The following ERC1 variants were observed in gnomAD, a reference collection of about 807,000 sequenced individuals.
ERC1 encodes RAB6 interacting protein 2.
In ERC1, 56 loss-of-function variants were observed where a neutral mutation model predicts 132.0. The ratio of observed to expected loss-of-function variants is 0.42; its 90% CI spans 0.34 to 0.53. ERC1 has a LOEUF of 0.53. Ranked by LOEUF, ERC1 falls within the 20% of genes least tolerant of loss-of-function variation. The pLI is 0.03. For missense variants in ERC1, 1,202 were observed against 1,349.9 expected (o/e 0.89, Z 1.72); for synonymous variants, 478 against 476.1 (o/e 1.00, Z -0.05).
chr12:1,198,317 CTAA>C (rs1956534700), intron 12 of ERC1, among the ~76,000 whole-genome samples: 1 of 152,128 alleles, frequency 6.6e-6, no homozygotes, highest in Non-Finnish European at 1.5e-5. Context: ...GGTTGGAAGG[CTAA>C]TAAGTAATTT....
intron 15 of ERC1, among the ~76,000 whole-genome samples, chr12:1,294,361 C>T (rs1309395261): frequency 6.6e-6 from 1 of 152,088 alleles, no homozygotes; most frequent in African/African-American, 2.4e-5. Flanking sequence ...GCTTTTTAAT[C>T]ATTTTCTTAT....
intron 2 of ERC1, among the ~76,000 whole-genome samples, chr12:1,047,471 A>G (rs1971263512): frequency 6.6e-6 from 1 of 152,118 alleles, no homozygotes. Flanking sequence ...GGCTGAATCT[A>G]TTCAAGGGGA....
intron 8 of ERC1, among the ~76,000 whole-genome samples, chr12:1,161,616 CCT>C (rs1330799902): frequency 2.0e-5 from 3 of 152,112 alleles, no homozygotes; most frequent in Admixed American, 6.5e-5. Flanking sequence ...GTTTTTTTCT[CCT>C]CTGTCCCAGA....
intron 18 of ERC1, among the ~76,000 whole-genome samples, chr12:1,484,280 G>A (rs1477718646): frequency 7.0e-6 from 1 of 142,496 alleles, no homozygotes; most frequent in Non-Finnish European, 1.6e-5. Flanking sequence ...ACTCCAGCCT[G>A]GTGACAGAGC....
At chr12:1,462,721 C>T (rs138269382) in intron 18 of ERC1, among the ~76,000 whole-genome samples, 70 of 152,088 alleles carry the variant, frequency 4.6e-4, no homozygotes, top group Admixed American at 1.1e-3. Context: ...TGAAAATGTC[C>T]TATATTTTGA....
intron 14 of ERC1, among the ~76,000 whole-genome samples, chr12:1,284,265 CGTGTGTGTGTGTGTGTGTGTGTGT>C (rs71055142): frequency 1.4e-5 from 2 of 140,192 alleles, no homozygotes; most frequent in African/African-American, 2.6e-5. Context: ...GAATAGTATT[CGTGTGTGTGTGTGTGTGTGTGTGT>C]GTGTGTGTGT....
intron 13 of ERC1, among the ~76,000 whole-genome samples, chr12:1,261,737 G>A (rs953982125): frequency 6.6e-6 from 1 of 152,070 alleles, no homozygotes; most frequent in African/African-American, 2.4e-5. Context: ...CCTCACTTAT[G>A]GGAATAGATC....
At chr12:1,124,784 G>A (rs1566027127) in intron 7 of ERC1, among the ~76,000 whole-genome samples, 1 of 151,908 alleles carries the variant, frequency 6.6e-6, no homozygotes, top group Non-Finnish European at 1.5e-5. Flanking sequence ...AATAATATAA[G>A]ACAACTCTAA....
At chr12:1,211,206 T>C (rs943444827) in intron 12 of ERC1, among the ~76,000 whole-genome samples, 26 of 152,298 alleles carry the variant, frequency 1.7e-4, no homozygotes, top group African/African-American at 5.8e-4. Flanking sequence ...TGGAGTGCAA[T>C]GGCACAATCT....
At chr12:1,107,925 A>G (rs1488580847) in intron 4 of ERC1, among the ~76,000 whole-genome samples, 1 of 152,202 alleles carries the variant, frequency 6.6e-6, no homozygotes, top group East Asian at 1.9e-4. Flanking sequence ...CAGTAAGTCC[A>G]GTGGGATTGG....
intron 1 of ERC1, among the ~76,000 whole-genome samples, chr12:1,015,200 C>T (rs536874897): frequency 5.3e-5 from 8 of 151,980 alleles, no homozygotes; most frequent in African/African-American, 1.9e-4. Context: ...ACTGGTACTA[C>T]AGGCACACAC....
At chr12:1,481,605 C>G (rs1861845993) in intron 18 of ERC1, among the ~76,000 whole-genome samples, 1 of 152,214 alleles carries the variant, frequency 6.6e-6, no homozygotes, top group Non-Finnish European at 1.5e-5. Flanking sequence ...TGCCTAATCC[C>G]TGGAGAACAG....
At chr12:1,110,373 C>G (rs1384646498) in intron 5 of ERC1, 26 bp downstream of exon 5, 1 of 1,554,728 alleles carries the variant, frequency 6.4e-7, no homozygotes, top group Non-Finnish European at 8.7e-7. Context: ...ACTTTTGATT[C>G]TTAAAAGGAG....
intron 1 of ERC1, among the ~76,000 whole-genome samples, chr12:1,019,954 C>T (rs1008866822): frequency 1.3e-5 from 2 of 151,514 alleles, no homozygotes; most frequent in Admixed American, 6.6e-5. Context: ...AGGATCTTGC[C>T]GTGTTGTCCA....
At chr12:1,136,641 T>A (rs976937485) in intron 7 of ERC1, among the ~76,000 whole-genome samples, 3 of 152,196 alleles carry the variant, frequency 2.0e-5, no homozygotes, top group African/African-American at 4.8e-5. Context: ...TAGGATAAAA[T>A]TTAAGCCTCT....
chr12:1,175,841 T>C (rs753260366), intron 8 of ERC1, among the ~76,000 whole-genome samples: 1 of 152,146 alleles, frequency 6.6e-6, no homozygotes, highest in Non-Finnish European at 1.5e-5. Context: ...GGCCCATCTG[T>C]TCAGATTTTA....
chr12:1,365,733 T>G (rs1035802855), intron 15 of ERC1, among the ~76,000 whole-genome samples: 1 of 152,346 alleles, frequency 6.6e-6, no homozygotes, highest in Non-Finnish European at 1.5e-5. Flanking sequence ...GCTTTTAGTT[T>G]TCAAGTTTAG....
At chr12:1,394,047 A>AAAAAAAAAAAC (rs1566758165) in intron 16 of ERC1, among the ~76,000 whole-genome samples, 1 of 59,884 alleles carries the variant, frequency 1.7e-5, no homozygotes, top group Admixed American at 1.4e-4. Context: ...AAAAAAAACC[A>AAAAAAAAAAAC]CAAAGCATTA....
At chr12:1,320,859 G>A (rs1424947766) in intron 15 of ERC1, among the ~76,000 whole-genome samples, 4 of 151,898 alleles carry the variant, frequency 2.6e-5, no homozygotes, top group East Asian at 3.9e-4. Flanking sequence ...CCGCCACCAC[G>A]CCCAGCTAAT....
Sources: allele counts gnomAD v4.1 joint callset (sites outside exome capture counted in the v4.1 genomes callset), GRCh38; gene constraint gnomAD v4.1.1; transcripts MANE v1.5; gene names NCBI Gene and HGNC (gene_info 2026-07-23, HGNC 2026-07-21).